KLHL7: variants seen among roughly 807,000 people sequenced by gnomAD.
The protein encoded by KLHL7 is kelch-like protein 7.
In KLHL7, 44 loss-of-function variants were observed where a neutral mutation model predicts 67.4. The observed-to-expected ratio is 0.65, with a 90% CI of 0.51 to 0.84. The LOEUF (loss-of-function observed/expected upper bound fraction) is 0.84, where lower values mean the gene tolerates loss of function less well. KLHL7 is among the 40% of genes least tolerant of loss of function. KLHL7 has a pLI of 0.00. For synonymous variants in KLHL7, 252 were observed against 243.3 expected, an observed-to-expected ratio of 1.04 and a Z score of -0.33; for missense variants, 362 against 718.1, an observed-to-expected ratio of 0.50 and a Z score of 5.67.
chr7:23,167,704 T>C (rs1785042880), intron 8 of KLHL7, 132 bp from the exon 9 acceptor site: 7 of 740,836 alleles, frequency 9.4e-6, no homozygotes, highest in Non-Finnish European at 1.2e-5. Context: ...ACTTTGTTGT[T>C]GTTGATTGAG....
intron 6 of KLHL7, among the ~76,000 whole-genome samples, chr7:23,151,145 TG>T (rs1784518758): frequency 6.8e-6 from 1 of 146,038 alleles, no homozygotes; most frequent in Non-Finnish European, 1.5e-5. Context: ...TTCTCCATTC[TG>T]GGCCTGTTTT....
intron 7 of KLHL7, 35 bp downstream of exon 7, chr7:23,152,244 C>A: frequency 6.2e-7 from 1 of 1,600,354 alleles, no homozygotes; most frequent in Non-Finnish European, 8.6e-7. Flanking sequence ...TTGTTGTTGT[C>A]TTTGAAATCA....
At chr7:23,151,768 A>G (rs1034913595) in intron 6 of KLHL7, among the ~76,000 whole-genome samples, 9 of 152,192 alleles carry the variant, frequency 5.9e-5, no homozygotes, top group African/African-American at 1.9e-4. Flanking sequence ...CTGGATTTCA[A>G]TAATTATTAT....
rs144271475 is a variant in KLHL7, at chr7:23,136,628, A to G, written c.443-4141A>G. 3.2e-3 allele frequency among the ~76,000 whole-genome samples: 482 copies of G among 152,364 alleles called. 4 individuals are homozygous for G. The highest frequency in any genetic ancestry group is 0.011 in the African/African-American group (453 of 41,602). ...CACAGAAAAGCTGGAGCACCTAAAA[A>G]AGAGGAGACACAGGCCACGTCCCCT... On this transcript the variant is annotated intron_variant, in intron 4 of 10. Coordinates refer to ENST00000339077, the MANE Select transcript of KLHL7 (RefSeq NM_001031710.3).
At chr7:23,154,113 G>C (rs948673471) in intron 7 of KLHL7, among the ~76,000 whole-genome samples, 1 of 152,182 alleles carries the variant, frequency 6.6e-6, no homozygotes, top group African/African-American at 2.4e-5. Flanking sequence ...CTGCACTTTG[G>C]GAGTCCAAGG....
intron 9 of KLHL7, among the ~76,000 whole-genome samples, chr7:23,169,948 A>G (rs959973465): frequency 6.6e-6 from 1 of 152,094 alleles, no homozygotes; most frequent in African/African-American, 2.4e-5. Flanking sequence ...GGTGGTTCAT[A>G]CCTGTAATCC....
chr7:23,123,897 A>G lies in KLHL7; in HGVS notation c.223+18A>G. The stretch of plus-strand genomic sequence containing the variant: ...GTTCACAAGTAAGTATCTTAAGGTA[A>G]AACATGCCATTATTTCTTCTATGAG... On this transcript the variant is annotated intron_variant, in intron 2 of 10. Coordinates refer to ENST00000339077, the MANE Select transcript of KLHL7 (RefSeq NM_001031710.3). 1 of 1,461,678 alleles carries G rather than the reference A, an allele frequency of 6.8e-7. No homozygotes were observed. The highest frequency in any genetic ancestry group is 1.1e-5 in the South Asian group (1 of 87,748). The allele number at this position is 1,461,678 out of a possible 1,614,324, so 90.5% of individuals were successfully genotyped here. A position where few individuals can be genotyped will look rare whatever the true frequency, so the allele number is the denominator to read the frequency against.
chr7:23,115,578 C>T (rs1783051329), intron 1 of KLHL7, among the ~76,000 whole-genome samples: 2 of 151,816 alleles, frequency 1.3e-5, no homozygotes, highest in Middle Eastern at 6.8e-3. Context: ...GAGTCTCGCT[C>T]TGTCGTCCAG....
At chr7:23,153,314 T>C (rs1009362262) in intron 7 of KLHL7, among the ~76,000 whole-genome samples, 4 of 152,094 alleles carry the variant, frequency 2.6e-5, no homozygotes, top group Admixed American at 6.5e-5. Context: ...TTAGCTGATA[T>C]ATTAGTGACA....
intron 8 of KLHL7, among the ~76,000 whole-genome samples, chr7:23,166,675 G>C (rs1049782341): frequency 2.0e-5 from 3 of 152,088 alleles, no homozygotes; most frequent in African/African-American, 7.2e-5. Flanking sequence ...ATGAATACAA[G>C]AAAAATCACT....
intron 1 of KLHL7, among the ~76,000 whole-genome samples, chr7:23,115,596 T>G (rs904080368): frequency 6.6e-6 from 1 of 151,928 alleles, no homozygotes; most frequent in Admixed American, 6.6e-5. Context: ...CAGGCTGGAG[T>G]GCAGTGGCGT....
chr7:23,151,163 T>G (rs6959572), intron 6 of KLHL7, among the ~76,000 whole-genome samples: 8 of 146,212 alleles, frequency 5.5e-5, no homozygotes, highest in Non-Finnish European at 1.0e-4. Flanking sequence ...TTTTGTTTTT[T>G]TTTTTTTCTT....
chr7:23,124,302 A>G (rs1783479701), intron 2 of KLHL7, among the ~76,000 whole-genome samples: 1 of 151,576 alleles, frequency 6.6e-6, no homozygotes. Context: ...GGCAAGTTAA[A>G]CTTTAAAAAA....
intron 6 of KLHL7, among the ~76,000 whole-genome samples, chr7:23,151,631 A>G (rs1784539880): frequency 6.6e-6 from 1 of 152,258 alleles, no homozygotes; most frequent in African/African-American, 2.4e-5. Flanking sequence ...CCTTTAAAAT[A>G]CCAATTCCTA....
At chr7:23,142,339 G>A (rs1328071505) in intron 5 of KLHL7, among the ~76,000 whole-genome samples, 1 of 152,132 alleles carries the variant, frequency 6.6e-6, no homozygotes, top group East Asian at 1.9e-4. Context: ...TATGTTTTAA[G>A]TTGCTTTTGT....
At chr7:23,152,792 C>T (rs549948147) in intron 7 of KLHL7, among the ~76,000 whole-genome samples, 8 of 152,232 alleles carry the variant, frequency 5.3e-5, no homozygotes, top group Admixed American at 2.6e-4. Flanking sequence ...TACTTATAAC[C>T]TTAAGACGGT....
At chr7:23,145,015 T>C in intron 6 of KLHL7, among the ~76,000 whole-genome samples, 1 of 152,032 alleles carries the variant, frequency 6.6e-6, no homozygotes, top group East Asian at 1.9e-4. Context: ...GGAGGATTGC[T>C]TGAGCCCAGG....
chr7:23,127,792 T>G (rs6968242), intron 4 of KLHL7, among the ~76,000 whole-genome samples: 65,620 of 151,580 alleles, frequency 0.43, 15,624 homozygotes, highest in African/African-American at 0.64. Context: ...GAAAATCGTT[T>G]GAACCGGGAG....
At position 23,139,234 on chromosome 7, in the gene KLHL7, A is replaced by G. The variant is rs571866851; in HGVS notation, c.443-1535A>G. Among the ~76,000 whole-genome samples the G allele has an allele frequency of 4.0e-4, 61 of 152,292 alleles. No homozygotes were observed. In the South Asian group the frequency reaches 5.2e-3, roughly 13 times the overall value. ...ACCTAAAACTGCTCTGAAAAAAATG[A>G]AGTTTATTTTAAAAATAATAATGCT... On this transcript the variant is annotated intron_variant, in intron 4 of 10. Transcript: ENST00000339077.
Sources: allele counts gnomAD v4.1 joint callset (sites outside exome capture counted in the v4.1 genomes callset), GRCh38; gene constraint gnomAD v4.1.1; transcripts MANE v1.5; gene names NCBI Gene and HGNC (gene_info 2026-07-23, HGNC 2026-07-21).